Variants in PRKN observed in about 807,000 individuals in gnomAD.
PRKN encodes the protein E3 ubiquitin-protein ligase parkin.
A neutral mutation model predicts 59.5 loss-of-function variants in PRKN; 56 were observed. The ratio of observed to expected loss-of-function variants is 0.94; its 90% CI spans 0.76 to 1.18. The LOEUF (loss-of-function observed/expected upper bound fraction) is 1.18. Ranked by LOEUF, PRKN falls within the 50% of genes most tolerant of loss-of-function variation. PRKN has a pLI of 0.00. For missense variants in PRKN, 657 were observed against 596.4 expected, an observed-to-expected ratio of 1.10 and a Z score of -1.06; for synonymous variants, 250 against 222.1, an observed-to-expected ratio of 1.13 and a Z score of -1.12.
intron 9 of PRKN, among the ~76,000 whole-genome samples, chr6:161,540,293 A>G (rs187222278): frequency 6.6e-6 from 1 of 152,356 alleles, no homozygotes. Flanking sequence ...TTATCATTAT[A>G]TAAGTTATTC....
intron 9 of PRKN, among the ~76,000 whole-genome samples, chr6:161,534,501 A>G (rs1473003869): frequency 6.6e-6 from 1 of 152,222 alleles, no homozygotes; most frequent in Non-Finnish European, 1.5e-5. Context: ...TGGTATGCAC[A>G]CGAGCAATGT....
At chr6:162,498,837 T>C (rs1462680686) in intron 1 of PRKN, among the ~76,000 whole-genome samples, 7 of 152,178 alleles carry the variant, frequency 4.6e-5, no homozygotes, top group African/African-American at 1.7e-4. Flanking sequence ...AATTGGACAG[T>C]AGCCGTTAAC....
chr6:162,190,222 A>T (rs1784214279), intron 4 of PRKN, among the ~76,000 whole-genome samples: 1 of 152,094 alleles, frequency 6.6e-6, no homozygotes, highest in Non-Finnish European at 1.5e-5. Context: ...TACAAATCAT[A>T]TTCTATGAGC....
At chr6:162,092,036 A>G (rs1304970970) in intron 4 of PRKN, among the ~76,000 whole-genome samples, 1 of 152,284 alleles carries the variant, frequency 6.6e-6, no homozygotes, top group Non-Finnish European at 1.5e-5. Flanking sequence ...ATTCTGTCTC[A>G]AAGAAAAGAA....
intron 6 of PRKN, among the ~76,000 whole-genome samples, chr6:161,910,311 G>A (rs1312249592): frequency 6.6e-6 from 1 of 152,150 alleles, no homozygotes; most frequent in African/African-American, 2.4e-5. Flanking sequence ...GTGGAGTGCA[G>A]TGGCACAATC....
At chr6:162,311,472 AT>A (rs1475895817) in intron 2 of PRKN, among the ~76,000 whole-genome samples, 8 of 146,568 alleles carry the variant, frequency 5.5e-5, no homozygotes, top group Admixed American at 4.8e-4. Context: ...AGTAATAATA[AT>A]TTTTTTCCTT....
chr6:162,630,581 C>A (rs1783072608), intron 1 of PRKN, among the ~76,000 whole-genome samples: 1 of 152,104 alleles, frequency 6.6e-6, no homozygotes, highest in Non-Finnish European at 1.5e-5. Flanking sequence ...TAAGATTCTT[C>A]TACCTCCAAT....
At chr6:161,507,770 T>TGC (rs1490763326) in intron 9 of PRKN, among the ~76,000 whole-genome samples, 6 of 152,202 alleles carry the variant, frequency 3.9e-5, no homozygotes, top group Non-Finnish European at 2.9e-5. Context: ...CTACCCTCAC[T>TGC]AAAACCTCCT....
Position 161,550,190 on chromosome 6 carries a change from G to A in PRKN, c.934-1187C>T, listed in dbSNP as rs777460986. Among the ~76,000 whole-genome samples the A allele has an allele frequency of 2.6e-5, 4 of 152,154 alleles. No homozygotes were observed. Among genetic ancestry groups the A allele is most frequent in the Admixed American group, 6.5e-5 (1 of 15,280 alleles). ...TGGCTGTTCAGGGTACAACAAGGGG[G>A]GCAGTGGGGCGGAGGCAGAGAGAAC... On this transcript the variant is annotated intron_variant, in intron 8 of 11. Transcript: ENST00000366898. This position sits in a 1 kb window ranked among gnomAD's most constrained non-coding sequence, Gnocchi z 4.0.
chr6:161,815,269 C>G (rs1791727456), intron 6 of PRKN, among the ~76,000 whole-genome samples: 1 of 152,164 alleles, frequency 6.6e-6, no homozygotes, highest in Non-Finnish European at 1.5e-5. Context: ...TTTCACCTAG[C>G]TTTATACAAC....
At chr6:161,989,244 T>C (rs1276577025) in intron 5 of PRKN, among the ~76,000 whole-genome samples, 1 of 148,938 alleles carries the variant, frequency 6.7e-6, no homozygotes, top group African/African-American at 2.5e-5. Flanking sequence ...ACTTACTCCT[T>C]TCTTACTTTC....
At chr6:161,655,026 G>T (rs1393603803) in intron 7 of PRKN, among the ~76,000 whole-genome samples, 12 of 152,230 alleles carry the variant, frequency 7.9e-5, no homozygotes, top group African/African-American at 2.4e-4. Context: ...CGAGGTGTCA[G>T]CATGGGCCCA....
At chr6:161,559,885 A>G (rs1030297675) in intron 8 of PRKN, among the ~76,000 whole-genome samples, 2 of 152,222 alleles carry the variant, frequency 1.3e-5, no homozygotes, top group Non-Finnish European at 1.5e-5. Flanking sequence ...ACTATCTGAA[A>G]TGGACAAGCC....
At chr6:162,711,965 G>A (rs541188511) in intron 1 of PRKN, among the ~76,000 whole-genome samples, 10 of 152,154 alleles carry the variant, frequency 6.6e-5, no homozygotes, top group Non-Finnish European at 1.3e-4. Context: ...GATTCTGGTC[G>A]GGGAAGGCAG....
intron 7 of PRKN, among the ~76,000 whole-genome samples, chr6:161,686,895 A>T (rs1785578626): frequency 6.6e-6 from 1 of 152,172 alleles, no homozygotes; most frequent in South Asian, 2.1e-4. Context: ...ACCACGCCTG[A>T]CCTTGGAGCT....
At chr6:161,641,397 G>A (rs957642868) in intron 7 of PRKN, among the ~76,000 whole-genome samples, 22 of 152,070 alleles carry the variant, frequency 1.4e-4, no homozygotes, top group Admixed American at 6.6e-5. Flanking sequence ...GGATAAAGTG[G>A]CTCATCTGGT....
intron 2 of PRKN, among the ~76,000 whole-genome samples, chr6:162,271,224 A>G (rs1780374307): frequency 6.6e-6 from 1 of 152,042 alleles, no homozygotes. Context: ...CTATGCCAAG[A>G]AAAGACAAAA....
At chr6:161,755,455 G>A (rs1027016193) in intron 7 of PRKN, among the ~76,000 whole-genome samples, 15 of 151,992 alleles carry the variant, frequency 9.9e-5, no homozygotes, top group Non-Finnish European at 1.6e-4. Context: ...CAGTAATATC[G>A]AAGGGTTATG....
chr6:161,785,868 T>C lies in PRKN; in HGVS notation c.775A>G (p.Ile259Val), dbSNP rs750325162. Residue 259 changes from isoleucine (I) to valine (V), a missense_variant, in exon 7 of 12, where the codon ATT becomes GTT. Transcript: ENST00000366898. ...TATAAGTGGAAACAGTCTAAGCAAA[T>C]CACGTGGCGGGAGTTGCACTGGAAA... ...LVFQCNSRHV[I>V]CLDCFHLYCV... The C allele has an allele frequency of 3.6e-5, 58 of 1,614,010 alleles. No individual in the cohort carries two copies. Among genetic ancestry groups the C allele is most frequent in the Non-Finnish European group, 4.6e-5 (54 of 1,180,016 alleles).
Sources: gnomAD v4.1 joint callset for allele counts (sites outside exome capture counted in the v4.1 genomes callset) on GRCh38, gnomAD v4.1.1 for gene constraint, Gnocchi (gnomAD v3.1) non-coding constraint, MANE v1.5 for transcripts, NCBI Gene and HGNC (gene_info 2026-07-23, HGNC 2026-07-21) for gene names.